COL19A1: variants seen among roughly 807,000 people sequenced by gnomAD.
The protein encoded by COL19A1 is collagen alpha-1(XIX) chain.
Under a neutral mutation model 190.2 loss-of-function variants are expected in COL19A1, and 159 were observed. The observed-to-expected ratio is 0.84, with a 90% CI of 0.73 to 0.95. The LOEUF (loss-of-function observed/expected upper bound fraction) is 0.95. COL19A1 is among the 40% of genes least tolerant of loss of function. COL19A1 has a pLI of 0.00. For missense variants in COL19A1, 1,418 were observed against 1,431.9 expected, an observed-to-expected ratio of 0.99 and a Z score of 0.16; for synonymous variants, 509 against 458.9, an observed-to-expected ratio of 1.11 and a Z score of -1.39.
At chr6:70,008,470 A>C (rs554984183) in intron 11 of COL19A1, among the ~76,000 whole-genome samples, 40 of 152,018 alleles carry the variant, frequency 2.6e-4, no homozygotes, top group South Asian at 1.5e-3. Context: ...GAAAGTCAAA[A>C]ATTACCAAAA....
At chr6:70,182,358 T>C (rs545364248) in intron 44 of COL19A1, among the ~76,000 whole-genome samples, 2 of 152,170 alleles carry the variant, frequency 1.3e-5, no homozygotes, top group African/African-American at 4.8e-5. Flanking sequence ...AGACTGAAGG[T>C]AGGTGGATTT....
At chr6:70,178,893 C>T (rs1255177046) in intron 42 of COL19A1, among the ~76,000 whole-genome samples, 4 of 152,146 alleles carry the variant, frequency 2.6e-5, no homozygotes, top group Non-Finnish European at 4.4e-5. Context: ...GAGTGCTGGT[C>T]GTGGGGTGGG....
chr6:69,896,445 G>C (rs530927974), intron 2 of COL19A1, among the ~76,000 whole-genome samples: 6 of 151,138 alleles, frequency 4.0e-5, no homozygotes, highest in Admixed American at 2.0e-4. Flanking sequence ...GCTGAGGCAG[G>C]AGAATGGCGT....
chr6:70,035,924 A>G lies in COL19A1; in HGVS notation c.1155A>G (p.Gly385=). 1 of 1,613,622 alleles carries G rather than the reference A, an allele frequency of 6.2e-7. No individual in the cohort carries two copies. ...TTTAGGGAGATACAGGACCCCCAGGACCACCAGCCTTACCTGTAAGTATTC... is the reference window on the plus strand; with the variant it reads ...TTTAGGGAGATACAGGACCCCCAGGGCCACCAGCCTTACCTGTAAGTATTC... ...KGEKGDTGPP[G]PPALPGSLGI... is the part of the protein sequence containing the mutation. The change falls in exon 14 of 51, where the codon GGA becomes GGG. Residue 385 remains glycine, a synonymous_variant. Transcript: ENST00000620364.
At chr6:70,167,089 G>A (rs1765207500) in intron 37 of COL19A1, among the ~76,000 whole-genome samples, 1 of 152,174 alleles carries the variant, frequency 6.6e-6, no homozygotes, top group Non-Finnish European at 1.5e-5. Flanking sequence ...ACTAAAATAT[G>A]GCAGACATTC....
chr6:70,167,386 A>T (rs1765224861), intron 37 of COL19A1, among the ~76,000 whole-genome samples: 1 of 152,168 alleles, frequency 6.6e-6, no homozygotes, highest in African/African-American at 2.4e-5. Flanking sequence ...TAAATGCTAA[A>T]ATGTATGATT....
intron 34 of COL19A1, among the ~76,000 whole-genome samples, chr6:70,157,568 T>C (rs950570365): frequency 4.6e-5 from 7 of 152,138 alleles, no homozygotes; most frequent in African/African-American, 1.7e-4. Flanking sequence ...TTACCAGTAA[T>C]CATCATGTAC....
intron 4 of COL19A1, among the ~76,000 whole-genome samples, chr6:69,920,215 G>T (rs1349340927): frequency 6.6e-6 from 1 of 151,856 alleles, no homozygotes; most frequent in African/African-American, 2.4e-5. Flanking sequence ...GTTTTATTAG[G>T]GTCAAAGCCT....
At chr6:70,096,921 A>T (rs539583565) in intron 15 of COL19A1, among the ~76,000 whole-genome samples, 8 of 152,296 alleles carry the variant, frequency 5.3e-5, no homozygotes, top group African/African-American at 1.9e-4. Context: ...GCTACTCAGA[A>T]GAGGGGCTAG....
At chr6:70,000,414 T>C (rs1777192265) in intron 11 of COL19A1, among the ~76,000 whole-genome samples, 1 of 152,220 alleles carries the variant, frequency 6.6e-6, no homozygotes, top group Non-Finnish European at 1.5e-5. Context: ...AAGTGGTATT[T>C]CTTGTTCTAG....
chr6:70,205,836 C>G (rs1296893678), intron 49 of COL19A1, among the ~76,000 whole-genome samples: 1 of 152,138 alleles, frequency 6.6e-6, no homozygotes, highest in Non-Finnish European at 1.5e-5. Context: ...AAAATATAGA[C>G]AGATCTTAGA....
At chr6:70,116,008 AT>A (rs1389473154) in intron 16 of COL19A1, among the ~76,000 whole-genome samples, 2 of 151,882 alleles carry the variant, frequency 1.3e-5, no homozygotes, top group Non-Finnish European at 2.9e-5. Context: ...AGAGAAAAGG[AT>A]GTGTGTCTTT....
chr6:70,210,871 T>C lies in COL19A1; in HGVS notation c.*3597T>C, dbSNP rs1476903780. On this transcript the variant is annotated 3_prime_UTR_variant, in exon 51 of 51. Transcript: ENST00000620364. Reference sequence around the variant, plus strand: ...AAGCATCTTTATGAAACAGGCACAGTACCCTTTGGTTTGTTGACTGTTTTG... The same window carrying C: ...AAGCATCTTTATGAAACAGGCACAGCACCCTTTGGTTTGTTGACTGTTTTG... 6.6e-6 allele frequency among the ~76,000 whole-genome samples: 1 copy of C among 152,180 alleles called. No individual in the cohort carries two copies. The highest frequency in any genetic ancestry group is 1.5e-5 in the Non-Finnish European group (1 of 67,982).
At position 70,178,669 on chromosome 6, in the gene COL19A1, G is replaced by A. The variant is rs563943776; in HGVS notation, c.2668-1643G>A. On this transcript the variant is annotated intron_variant, in intron 42 of 50. Coordinates refer to ENST00000620364, the MANE Select transcript of COL19A1 (RefSeq NM_001858.6). ...TGATAAAAATTTTTTTTCGAAAAATGGTGATTGTTCTAGTTGAAGCAGGGC... is the reference window on the plus strand; with the variant it reads ...TGATAAAAATTTTTTTTCGAAAAATAGTGATTGTTCTAGTTGAAGCAGGGC... Among the ~76,000 whole-genome samples, 33 of 152,094 alleles carry A rather than the reference G, an allele frequency of 2.2e-4. No individual in the cohort carries two copies. In the East Asian group the frequency reaches 5.0e-3, roughly 23 times the overall value.
intron 14 of COL19A1, among the ~76,000 whole-genome samples, chr6:70,058,245 T>C (rs1459717956): frequency 6.6e-6 from 1 of 152,070 alleles, no homozygotes; most frequent in Non-Finnish European, 1.5e-5. Flanking sequence ...CGATCATATT[T>C]CATTGTGTCC....
At chr6:69,956,062 A>C in intron 9 of COL19A1, among the ~76,000 whole-genome samples, 1 of 151,932 alleles carries the variant, frequency 6.6e-6, no homozygotes, top group Non-Finnish European at 1.5e-5. Flanking sequence ...TAAATTTAAG[A>C]ATGCCCATCC....
intron 9 of COL19A1, among the ~76,000 whole-genome samples, chr6:69,955,349 T>G (rs1774346187): frequency 6.6e-6 from 1 of 152,152 alleles, no homozygotes; most frequent in Non-Finnish European, 1.5e-5. Flanking sequence ...TGAATAACTC[T>G]TAGTACAACT....
At chr6:70,181,020 T>A (rs907586752) in intron 44 of COL19A1, among the ~76,000 whole-genome samples, 4 of 152,222 alleles carry the variant, frequency 2.6e-5, no homozygotes, top group African/African-American at 9.6e-5. Flanking sequence ...TACTGATCTG[T>A]GGTATTGATG....
At chr6:69,898,631 G>A (rs1042011853) in intron 2 of COL19A1, among the ~76,000 whole-genome samples, 7 of 152,066 alleles carry the variant, frequency 4.6e-5, no homozygotes, top group African/African-American at 1.2e-4. Context: ...CTTTGAATAC[G>A]AAAGTTTAAC....
Sources: gnomAD v4.1 joint callset for allele counts (sites outside exome capture counted in the v4.1 genomes callset) on GRCh38, gnomAD v4.1.1 for gene constraint, MANE v1.5 for transcripts, NCBI Gene and HGNC (gene_info 2026-07-23, HGNC 2026-07-21) for gene names.